The following SORBS2 variants were observed in gnomAD, a reference collection of about 807,000 sequenced individuals.
The protein encoded by SORBS2 is sorbin and SH3 domain-containing protein 2.
In SORBS2, 46 loss-of-function variants were observed where a neutral mutation model predicts 97.7. The ratio of observed to expected loss-of-function variants is 0.47; its 90% confidence interval spans 0.37 to 0.60. The LOEUF (loss-of-function observed/expected upper bound fraction) is 0.60. Ranked by LOEUF, SORBS2 falls within the 20% of genes least tolerant of loss-of-function variation. The pLI, the probability that SORBS2 is intolerant of heterozygous loss-of-function variation, is 0.00. For missense variants in SORBS2, 1,316 were observed against 1,282.3 expected, an observed-to-expected ratio of 1.03 and a Z score of -0.40; for synonymous variants, 476 against 473.4, an observed-to-expected ratio of 1.01 and a Z score of -0.07.
At chr4:185,831,151 G>T (rs1488314272) in intron 1 of SORBS2, among the ~76,000 whole-genome samples, 2 of 152,158 alleles carry the variant, frequency 1.3e-5, no homozygotes, top group Non-Finnish European at 2.9e-5. Flanking sequence ...ACCCAACATG[G>T]TCATCTAGAA....
At chr4:185,614,149 G>GT (rs1300167096) in intron 11 of SORBS2, among the ~76,000 whole-genome samples, 4 of 110,916 alleles carry the variant, frequency 3.6e-5, no homozygotes, top group Admixed American at 9.4e-5. Context: ...GTTTTTGATT[G>GT]TTTTTTTGTG....
intron 1 of SORBS2, among the ~76,000 whole-genome samples, chr4:185,861,776 T>C (rs1351204363): frequency 6.6e-6 from 1 of 152,100 alleles, no homozygotes; most frequent in East Asian, 1.9e-4. Flanking sequence ...TGGCTAATTT[T>C]TGTAGTTTTA....
chr4:185,677,066 C>T, intron 4 of SORBS2: 1 of 1,551,576 alleles, frequency 6.4e-7, no homozygotes, highest in Non-Finnish European at 8.7e-7. Context: ...GAAGAGGTAT[C>T]TTTGCAGTCT....
At chr4:185,949,479 A>G (rs2099276119) in intron 1 of SORBS2, among the ~76,000 whole-genome samples, 1 of 152,160 alleles carries the variant, frequency 6.6e-6, no homozygotes, top group African/African-American at 2.4e-5. Context: ...GTCATCAACT[A>G]CCAAAATGGT....
intron 1 of SORBS2, among the ~76,000 whole-genome samples, chr4:185,847,987 G>A (rs1408606522): frequency 6.6e-6 from 1 of 152,122 alleles, no homozygotes; most frequent in East Asian, 1.9e-4. Context: ...TGAATTGTGG[G>A]ATCTGAACTC....
At chr4:185,639,162 T>C in intron 4 of SORBS2, 127 bp from the exon 14 acceptor site, 1 of 830,502 alleles carries the variant, frequency 1.2e-6, no homozygotes, top group Non-Finnish European at 1.8e-6. Flanking sequence ...GACGGCGAAG[T>C]GTCCCTAGGG....
chr4:185,606,207 C>G lies in SORBS2; in HGVS notation c.2796+5573G>C. ...CTCTAAAGTGGGGATGATAATGTCA[C>G]ACACCTCACTGGGTTTTGACGATTA... is the stretch of plus-strand genomic sequence containing the variant. On this transcript the variant is annotated intron_variant, in intron 12 of 14. Transcript: ENST00000418609. This position sits in a 1 kb window ranked among gnomAD's most constrained non-coding sequence, Gnocchi z 4.3. The G allele has an allele frequency of 1.0e-6, 1 of 985,390 alleles. No individual in the cohort carries two copies. The highest frequency in any genetic ancestry group is 1.2e-6 in the Non-Finnish European group (1 of 829,922). 61.0% of individuals were successfully genotyped at this position (985,390 alleles called of 1,614,324 possible). A position where few individuals can be genotyped will look rare whatever the true frequency, so the allele number is the denominator to read the frequency against.
At chr4:185,897,292 G>A (rs1242011405) in intron 1 of SORBS2, among the ~76,000 whole-genome samples, 1 of 152,180 alleles carries the variant, frequency 6.6e-6, no homozygotes, top group Non-Finnish European at 1.5e-5. Context: ...TCCGATTCCA[G>A]AGAGGGCCCC....
intron 6 of SORBS2, among the ~76,000 whole-genome samples, chr4:185,625,466 G>A (rs1435349564): frequency 6.6e-6 from 1 of 152,138 alleles, no homozygotes; most frequent in Non-Finnish European, 1.5e-5. Flanking sequence ...ACCTTACAAT[G>A]TTCTCTAAAT....
intron 2 of SORBS2, among the ~76,000 whole-genome samples, chr4:185,683,417 A>G (rs2097903755): frequency 6.6e-6 from 1 of 152,152 alleles, no homozygotes; most frequent in African/African-American, 2.4e-5. Context: ...ATTTGGTTGA[A>G]ATGTCAATGA....
exon 12 of SORBS2, chr4:185,611,900 G>A (rs1376195757): frequency 1.1e-5 from 18 of 1,613,940 alleles, no homozygotes; most frequent in Non-Finnish European, 1.5e-5. Context: ...AAACAGGGAA[G>A]ATGCCTTGTC....
At chr4:185,672,724 A>C (rs906079413) in intron 4 of SORBS2, among the ~76,000 whole-genome samples, 1 of 152,252 alleles carries the variant, frequency 6.6e-6, no homozygotes, top group Non-Finnish European at 1.5e-5. Flanking sequence ...TGTACTTTTC[A>C]CATCTTGGTG....
intron 9 of SORBS2, among the ~76,000 whole-genome samples, chr4:185,615,597 A>G (rs544973875): frequency 6.6e-6 from 1 of 152,270 alleles, no homozygotes; most frequent in African/African-American, 2.4e-5. Context: ...GCTTACATGA[A>G]GGAAAACAAA....
chr4:185,819,859 A>T (rs2099195633), intron 1 of SORBS2, among the ~76,000 whole-genome samples: 1 of 152,168 alleles, frequency 6.6e-6, no homozygotes, highest in African/African-American at 2.4e-5. Context: ...TTGTTCATTC[A>T]CTGTGGAACA....
intron 2 of SORBS2, among the ~76,000 whole-genome samples, chr4:185,742,966 C>G (rs906145596): frequency 6.6e-6 from 1 of 152,124 alleles, no homozygotes; most frequent in Non-Finnish European, 1.5e-5. Flanking sequence ...CTCTAAAGAG[C>G]CCCGCGGGCA....
rs10003750 is a variant in SORBS2, at chr4:185,684,539, C to T, written c.-197-5717G>A. Among the ~76,000 whole-genome samples, 110,922 of 151,858 alleles carry T rather than the reference C, an allele frequency of 0.73. 41,962 individuals carry two copies. The highest frequency in any genetic ancestry group is 0.9 in the East Asian group (4,638 of 5,172). On this transcript the variant is annotated intron_variant, in intron 2 of 20. Coordinates refer to the SORBS2 transcript ENST00000284776. This position sits in a 1 kb window ranked among gnomAD's most constrained non-coding sequence, Gnocchi z 4.2. ...TGAGTTATCTTAATGAAATATTATG[C>T]TACTTAAGTTCATGAGATAACAAAA...
chr4:185,707,407 C>T (rs758382968), intron 2 of SORBS2, among the ~76,000 whole-genome samples: 8 of 152,082 alleles, frequency 5.3e-5, no homozygotes, highest in Non-Finnish European at 1.2e-4. Context: ...GAGTGTGAGT[C>T]TGTCATAATC....
chr4:185,761,613 T>A (rs2098892764), intron 2 of SORBS2: 1 of 152,214 alleles, frequency 6.6e-6, no homozygotes, highest in African/African-American at 2.4e-5. Context: ...AAGAATGATC[T>A]TATATGTGAA....
intron 1 of SORBS2, among the ~76,000 whole-genome samples, chr4:185,828,134 T>C (rs2099202977): frequency 6.6e-6 from 1 of 152,176 alleles, no homozygotes; most frequent in Admixed American, 6.5e-5. Context: ...TCCTTAGTTA[T>C]CATATCTGTA....
Sources: gnomAD v4.1 joint callset for allele counts (sites outside exome capture counted in the v4.1 genomes callset) on GRCh38, gnomAD v4.1.1 for gene constraint, Gnocchi (gnomAD v3.1) non-coding constraint, MANE v1.5 for transcripts, NCBI Gene and HGNC (gene_info 2026-07-23, HGNC 2026-07-21) for gene names.